The following GNA14 variants were observed in gnomAD, a reference collection of about 807,000 sequenced individuals.
GNA14 encodes G protein subunit alpha 14, also known as guanine nucleotide-binding protein subunit alpha-14.
GNA14 carries 50 observed loss-of-function variants against 42.0 expected under a neutral mutation model. The ratio of observed to expected loss-of-function variants is 1.19; its 90% CI spans 0.95 to 1.51. The LOEUF is 1.51. GNA14 is among the 40% of genes most tolerant of loss of function. The pLI is 0.00. For missense variants in GNA14, 473 were observed against 446.2 expected (o/e 1.06, Z -0.54); for synonymous variants, 173 against 163.1 (o/e 1.06, Z -0.46).
chr9:77,468,172 G>C (rs1029515886), intron 2 of GNA14, among the ~76,000 whole-genome samples: 5 of 152,138 alleles, frequency 3.3e-5, no homozygotes, highest in African/African-American at 9.7e-5. Flanking sequence ...CTATCACATG[G>C]ACATGGGGGC....
At chr9:77,562,586 G>A (rs1270254628) in intron 1 of GNA14, among the ~76,000 whole-genome samples, 1 of 152,076 alleles carries the variant, frequency 6.6e-6, no homozygotes, top group Non-Finnish European at 1.5e-5. Context: ...TTGAAAATGG[G>A]TCTATTCATA....
intron 2 of GNA14, among the ~76,000 whole-genome samples, chr9:77,499,480 A>G (rs187090452): frequency 1.3e-5 from 2 of 152,330 alleles, no homozygotes; most frequent in East Asian, 3.9e-4. Context: ...TATTATAAAA[A>G]GACTTCAAAA....
At chr9:77,618,631 T>TTA (rs1823871780) in intron 1 of GNA14, among the ~76,000 whole-genome samples, 23 of 42,530 alleles carry the variant, frequency 5.4e-4, no homozygotes, top group Non-Finnish European at 4.1e-4. Flanking sequence ...TTTTTTTTTT[T>TTA]TTTTTTTTTT....
chr9:77,554,106 C>T (rs1044798006), intron 1 of GNA14, among the ~76,000 whole-genome samples: 1 of 152,186 alleles, frequency 6.6e-6, no homozygotes, highest in African/African-American at 2.4e-5. Context: ...CCTGCTGCCT[C>T]ACCATGAACA....
At chr9:77,483,327 C>A (rs949877611) in intron 2 of GNA14, among the ~76,000 whole-genome samples, 5 of 152,126 alleles carry the variant, frequency 3.3e-5, no homozygotes, top group African/African-American at 9.7e-5. Context: ...CACTCCAGAC[C>A]CTGTTTGCCT....
chr9:77,450,709 A>T (rs1835889250), intron 2 of GNA14, among the ~76,000 whole-genome samples: 1 of 151,766 alleles, frequency 6.6e-6, no homozygotes, highest in Admixed American at 6.6e-5. Context: ...TTGCTAAGAT[A>T]GCACTTGATA....
At position 77,582,362 on chromosome 9, in the gene GNA14, C is replaced by T. The variant is rs539163989; in HGVS notation, c.125-53109G>A. 5.3e-5 allele frequency among the ~76,000 whole-genome samples: 8 copies of T among 152,276 alleles called. No individual in the cohort carries two copies. In the East Asian group the frequency reaches 7.7e-4, roughly 15 times the overall value. On this transcript the variant is annotated intron_variant, in intron 1 of 6. Transcript: ENST00000341700. Reference sequence around the variant, plus strand: ...CCACCTTCATCCCTATCCTCTACAACTTTACCAACCTCTCCCCCTCCCCTA... The same window carrying T: ...CCACCTTCATCCCTATCCTCTACAATTTTACCAACCTCTCCCCCTCCCCTA...
chr9:77,423,982 G>C lies in GNA14; in HGVS notation c.1065C>G (p.Val355=). 1 of 1,580,598 alleles carries C rather than the reference G, an allele frequency of 6.3e-7. No homozygotes were observed. Among genetic ancestry groups the C allele is most frequent in the Non-Finnish European group, 8.6e-7 (1 of 1,159,980 alleles). The change falls in exon 7 of 7, where the codon GTC becomes GTG. Residue 355 remains valine (V), a synonymous_variant. Coordinates refer to ENST00000341700, the MANE Select transcript of GNA14 (RefSeq NM_004297.4). ...LQLNLREFNL[V] ...GGGGAGGAGTGGGCAGCAGCTTTTAGACAAGGTTGAATTCCCTTAGGTTTA... is the reference window on the plus strand; with the variant it reads ...GGGGAGGAGTGGGCAGCAGCTTTTACACAAGGTTGAATTCCCTTAGGTTTA...
intron 1 of GNA14, among the ~76,000 whole-genome samples, chr9:77,613,925 A>T (rs1428111112): frequency 6.6e-6 from 1 of 152,200 alleles, no homozygotes; most frequent in Non-Finnish European, 1.5e-5. Flanking sequence ...CCCAAATGTA[A>T]GGGAAGAAAC....
intron 2 of GNA14, among the ~76,000 whole-genome samples, chr9:77,502,684 C>G (rs1426988342): frequency 6.6e-6 from 1 of 152,146 alleles, no homozygotes; most frequent in Non-Finnish European, 1.5e-5. Context: ...GGAGAGATCT[C>G]TTGGTACCTC....
chr9:77,556,527 C>A (rs1476758509), intron 1 of GNA14, among the ~76,000 whole-genome samples: 2 of 152,138 alleles, frequency 1.3e-5, no homozygotes. Context: ...TCATTCCAGG[C>A]CACCACCAGG....
chr9:77,559,456 G>C (rs1430200531), intron 1 of GNA14, among the ~76,000 whole-genome samples: 1 of 152,194 alleles, frequency 6.6e-6, no homozygotes, highest in African/African-American at 2.4e-5. Flanking sequence ...AGAAGGGCCA[G>C]GGTGTCTACA....
At chr9:77,606,688 T>A (rs1823650125) in intron 1 of GNA14, among the ~76,000 whole-genome samples, 1 of 152,152 alleles carries the variant, frequency 6.6e-6, no homozygotes, top group Non-Finnish European at 1.5e-5. Flanking sequence ...GAAGCAGTTT[T>A]GTGGATTGTT....
chr9:77,527,161 G>A (rs1329588044), intron 2 of GNA14, among the ~76,000 whole-genome samples: 2 of 152,138 alleles, frequency 1.3e-5, no homozygotes, highest in Non-Finnish European at 2.9e-5. Flanking sequence ...CAGATGAACT[G>A]AAATCACCCC....
rs1327734626 is a variant in GNA14, at chr9:77,580,408, AGTT to A, written c.125-51158_125-51156del. Reference sequence around the variant, plus strand: ...CAGGGGAAAGCTGCCATTGTGGAGAAGTTGTCTAGCCTTCTGTTCCAGAAAATC... The same window carrying A: ...CAGGGGAAAGCTGCCATTGTGGAGAAGTCTAGCCTTCTGTTCCAGAAAATC... On this transcript the variant is annotated intron_variant, in intron 1 of 6. Transcript: ENST00000341700. 128 of 310,506 alleles carry A rather than the reference AGTT, an allele frequency of 4.1e-4. 1 individual carries two copies. Among genetic ancestry groups the A allele is most frequent in the South Asian group, 1.9e-3 (46 of 24,274 alleles). 19.2% of individuals were successfully genotyped at this position (310,506 alleles called of 1,614,324 possible).
At position 77,569,665 on chromosome 9, in the gene GNA14, C is replaced by T. The variant is rs147971597; in HGVS notation, c.125-40412G>A. On this transcript the variant is annotated intron_variant, in intron 1 of 6. Coordinates refer to ENST00000341700, the MANE Select transcript of GNA14 (RefSeq NM_004297.4). ...TATGTGGGGGCTTTGGTTTCTCCCCCGGGTTCAATATTTCAGGGGCTGTGT... is the reference window on the plus strand; with the variant it reads ...TATGTGGGGGCTTTGGTTTCTCCCCTGGGTTCAATATTTCAGGGGCTGTGT... 2.5e-4 allele frequency among the ~76,000 whole-genome samples: 38 copies of T among 152,204 alleles called. No homozygotes were observed. The East Asian group carries it at 5.8e-3, about 23-fold the overall frequency.
chr9:77,478,467 G>C (rs1836475516), intron 2 of GNA14, among the ~76,000 whole-genome samples: 1 of 152,122 alleles, frequency 6.6e-6, no homozygotes, highest in African/African-American at 2.4e-5. Flanking sequence ...TTGCTATTGT[G>C]AATAGTGCCG....
At chr9:77,582,913 C>T (rs1031647335) in intron 1 of GNA14, among the ~76,000 whole-genome samples, 13 of 152,312 alleles carry the variant, frequency 8.5e-5, no homozygotes, top group African/African-American at 3.1e-4. Flanking sequence ...CACTCAAAAA[C>T]CATTGACTGA....
chr9:77,506,481 A>C (rs1837072426), intron 2 of GNA14, among the ~76,000 whole-genome samples: 1 of 152,108 alleles, frequency 6.6e-6, no homozygotes, highest in African/African-American at 2.4e-5. Flanking sequence ...GATCGAGGTC[A>C]TTCTGGCCAG....
Sources: gnomAD v4.1 joint callset for allele counts (sites outside exome capture counted in the v4.1 genomes callset) on GRCh38, gnomAD v4.1.1 for gene constraint, MANE v1.5 for transcripts, NCBI Gene and HGNC (gene_info 2026-07-23, HGNC 2026-07-21) for gene names.